Variants in IKZF3 observed in about 807,000 individuals in gnomAD.
IKZF3 encodes zinc finger protein Aiolos.
IKZF3 carries 10 observed loss-of-function variants against 49.0 expected under a neutral mutation model. The observed-to-expected ratio is 0.20, with a 90% CI of 0.13 to 0.35. The LOEUF (loss-of-function observed/expected upper bound fraction) is 0.35. Ranked by LOEUF, IKZF3 falls within the 10% of genes least tolerant of loss-of-function variation. The pLI is 1.00. For missense variants in IKZF3, 498 were observed against 664.8 expected (o/e 0.75, Z 2.76); for synonymous variants, 209 against 228.2 (o/e 0.92, Z 0.76).
rs150853211 is a variant in IKZF3 at position 39,770,749 on chromosome 17, C to T, written c.827-4256G>A. Among the ~76,000 whole-genome samples the T allele has an allele frequency of 2.0e-5, 3 of 150,880 alleles. No individual in the cohort carries two copies. The Admixed American group carries it at 2.0e-4, about 10-fold the overall frequency. ...TTTATTGAGCCCCTGCTGTATCCAC[C>T]GTGCCATCCTAGATACTTTGCATAC... On this transcript the variant is annotated intron_variant, in intron 7 of 7. Coordinates refer to ENST00000346872, the MANE Select transcript of IKZF3 (RefSeq NM_012481.5).
chr17:39,858,592 C>A (rs919574698), intron 1 of IKZF3, among the ~76,000 whole-genome samples: 4 of 151,908 alleles, frequency 2.6e-5, no homozygotes, highest in African/African-American at 7.3e-5. Flanking sequence ...CTCACTGCAA[C>A]CTCCACCTCC....
chr17:39,850,714 T>TTATATATATACATATATACATATATACA (rs2062827326), intron 1 of IKZF3, among the ~76,000 whole-genome samples: 1 of 20,542 alleles, frequency 4.9e-5, no homozygotes, highest in Non-Finnish European at 1.3e-4. Flanking sequence ...ATATAATACA[T>TTATATATATACATATATACATATATACA]TATATATATA....
At chr17:39,853,528 ATT>A (rs1004377491) in intron 1 of IKZF3, among the ~76,000 whole-genome samples, 1 of 152,034 alleles carries the variant, frequency 6.6e-6, no homozygotes, top group Admixed American at 6.6e-5. Context: ...GCTTGTCAAA[ATT>A]TTTTTTATTT....
chr17:39,782,411 C>A (rs1427221305), intron 6 of IKZF3, among the ~76,000 whole-genome samples: 1 of 148,374 alleles, frequency 6.7e-6, no homozygotes, highest in Non-Finnish European at 1.5e-5. Flanking sequence ...ACAACAACAA[C>A]AACACACACA....
intron 7 of IKZF3, among the ~76,000 whole-genome samples, chr17:39,768,248 G>A (rs757629735): frequency 1.3e-5 from 2 of 152,198 alleles, no homozygotes; most frequent in African/African-American, 2.4e-5. Flanking sequence ...AACTTCAGAA[G>A]TACTTGGGGA....
At chr17:39,799,122 T>C (rs755943766) in intron 3 of IKZF3, among the ~76,000 whole-genome samples, 7 of 152,070 alleles carry the variant, frequency 4.6e-5, no homozygotes, top group African/African-American at 1.2e-4. Context: ...ATAGATCTAC[T>C]AATCTGGGGG....
chr17:39,848,930 G>A (rs538316535), intron 1 of IKZF3, among the ~76,000 whole-genome samples: 7 of 152,154 alleles, frequency 4.6e-5, no homozygotes, highest in African/African-American at 1.7e-4. Flanking sequence ...TGATCCTCCC[G>A]CTTTACCCTC....
intron 1 of IKZF3, among the ~76,000 whole-genome samples, chr17:39,852,476 C>T (rs2062906339): frequency 1.3e-5 from 2 of 152,162 alleles, no homozygotes; most frequent in Non-Finnish European, 2.9e-5. Flanking sequence ...GCTGACCACC[C>T]ACTCCTTCAT....
At position 39,764,124 on chromosome 17, in the gene IKZF3, G is replaced by A. The variant is rs1481706476; in HGVS notation, c.*1666C>T. 1 of 151,966 alleles carries A rather than the reference G, an allele frequency of 6.6e-6. No individual in the cohort carries two copies. The highest frequency in any genetic ancestry group is 1.5e-5 in the Non-Finnish European group (1 of 68,026). The allele number at this position is 151,966 out of a possible 1,614,324, so 9.4% of individuals were successfully genotyped here. On this transcript the variant is annotated 3_prime_UTR_variant, in exon 8 of 8. Transcript: ENST00000346872. ...CCTGCCTCGGCTTCCCAAAGTGTTG[G>A]GATTACAGGTGTGAGCCACCGAGCC...
chr17:39,828,169 G>T (rs1455581096), intron 3 of IKZF3, among the ~76,000 whole-genome samples: 1 of 152,194 alleles, frequency 6.6e-6, no homozygotes, highest in African/African-American at 2.4e-5. Flanking sequence ...TGTAACCGTA[G>T]CTTTAAACCT....
intron 1 of IKZF3, among the ~76,000 whole-genome samples, chr17:39,854,301 T>A (rs1273101835): frequency 6.6e-6 from 1 of 151,498 alleles, no homozygotes. Context: ...GAAGGATGCA[T>A]GCTGCATCAA....
At chr17:39,841,400 A>G (rs2062461943) in intron 1 of IKZF3, among the ~76,000 whole-genome samples, 1 of 152,120 alleles carries the variant, frequency 6.6e-6, no homozygotes. Flanking sequence ...AGTCCAGTGC[A>G]AAGTACCAAA....
At position 39,829,480 on chromosome 17, in the gene IKZF3, C is replaced by G. The variant is rs1303562582; in HGVS notation, c.70G>C (p.Ala24Pro). 6.2e-7 allele frequency: 1 copy of G among 1,611,738 alleles called. No homozygotes were observed. Among genetic ancestry groups the G allele is most frequent in the Non-Finnish European group, 8.5e-7 (1 of 1,177,908 alleles). Residue 24 changes from alanine (A) to proline (P), a missense_variant, in exon 3 of 8, where the codon GCG becomes CCG. By Grantham distance (27) the Ala-to-Pro change is conservative (BLOSUM62 -1). Around this residue, in one of 3 missense-constraint regions of IKZF3, gnomAD observed 97 missense variants for 98.9 expected, o/e 0.98. Transcript: ENST00000346872. ...GTTAAACTGTAGTCATTCAAAACCGCTGCACTTTCTAAAAGATAAAAGGAA... is the reference window on the plus strand; with the variant it reads ...GTTAAACTGTAGTCATTCAAAACCGGTGCACTTTCTAAAAGATAAAAGGAA... Reference protein sequence around the residue: ...QEQSVPAESAAVLNDYSLTKS... With the variant: ...QEQSVPAESAPVLNDYSLTKS...
intron 5 of IKZF3, among the ~76,000 whole-genome samples, chr17:39,789,037 A>G (rs2060943532): frequency 6.6e-6 from 1 of 152,182 alleles, no homozygotes; most frequent in Non-Finnish European, 1.5e-5. Flanking sequence ...TCATAGGCTC[A>G]GGTGAAGTCT....
chr17:39,774,729 G>T (rs116327570), intron 7 of IKZF3, among the ~76,000 whole-genome samples: 19 of 152,126 alleles, frequency 1.2e-4, no homozygotes, highest in Non-Finnish European at 1.8e-4. Context: ...TCTGTATGAT[G>T]AATGAATGGA....
chr17:39,788,440 C>A (rs1598009128), intron 5 of IKZF3, 66 bp from the exon 6 acceptor site: 3 of 935,554 alleles, frequency 3.2e-6, no homozygotes, highest in East Asian at 4.8e-5. Context: ...GGTATTGGGG[C>A]TCTGTGACAA....
At chr17:39,798,158 C>G (rs77728462) in intron 3 of IKZF3, among the ~76,000 whole-genome samples, 1 of 152,166 alleles carries the variant, frequency 6.6e-6, no homozygotes. Flanking sequence ...GACTTTCCCA[C>G]GATCTACTTA....
At chr17:39,780,911 T>C (rs2060726033) in intron 6 of IKZF3, among the ~76,000 whole-genome samples, 1 of 152,032 alleles carries the variant, frequency 6.6e-6, no homozygotes, top group African/African-American at 2.4e-5. Flanking sequence ...AGACAGTGAG[T>C]TTCTTGTCAA....
intron 7 of IKZF3, among the ~76,000 whole-genome samples, chr17:39,768,755 C>A (rs2060360755): frequency 6.6e-6 from 1 of 152,092 alleles, no homozygotes; most frequent in Admixed American, 6.5e-5. Flanking sequence ...CATTTTCTTT[C>A]TTTTTTTCTT....
Sources: allele counts gnomAD v4.1 joint callset (sites outside exome capture counted in the v4.1 genomes callset), GRCh38; gene constraint gnomAD v4.1.1; regional missense constraint gnomAD v4.1.1; transcripts MANE v1.5; gene names NCBI Gene and HGNC (gene_info 2026-07-23, HGNC 2026-07-21).